The following DTL variants were observed in gnomAD, a reference collection of about 807,000 sequenced individuals.
The protein encoded by DTL is denticleless E3 ubiquitin protein ligase adapter, also known as denticleless protein homolog.
Under a neutral mutation model 87.0 loss-of-function variants are expected in DTL, and 46 were observed. That is an observed-to-expected ratio of 0.53 (90% confidence interval 0.42 to 0.68). The LOEUF is 0.68. Ranked by LOEUF, DTL falls within the 30% of genes least tolerant of loss-of-function variation. The pLI is 0.00. For synonymous variants in DTL, 308 were observed against 311.2 expected, an observed-to-expected ratio of 0.99 and a Z score of 0.11; for missense variants, 737 against 869.4, an observed-to-expected ratio of 0.85 and a Z score of 1.91.
rs546650802 is a variant in DTL at position 212,102,440 on chromosome 1, A to T, written c.2095-402A>T. Among the ~76,000 whole-genome samples, 7 of 152,322 alleles carry T rather than the reference A, an allele frequency of 4.6e-5. No individual in the cohort carries two copies. The South Asian group carries it at 8.3e-4, about 18-fold the overall frequency. Reference sequence around the variant, plus strand: ...TATTTGAAGCTAACATTTCTTAAAAATTTTTTACCTTTATATGATGATAAT... The same window carrying T: ...TATTTGAAGCTAACATTTCTTAAAATTTTTTTACCTTTATATGATGATAAT... On this transcript the variant is annotated intron_variant, in intron 14 of 14. Transcript: ENST00000366991.
chr1:212,069,937 A>T (rs1455994680), intron 10 of DTL, among the ~76,000 whole-genome samples: 2 of 152,174 alleles, frequency 1.3e-5, no homozygotes, highest in Non-Finnish European at 2.9e-5. Flanking sequence ...GCAGCATCAT[A>T]GTCTGCATTT....
chr1:212,103,662 TG>T lies in DTL; in HGVS notation c.*723del, dbSNP rs1212813201. Reference sequence around the variant, plus strand: ...TCCCGTATGAGATTTCAGGTCCCCATGTTTTCACCAAGCAATCTGCTATGTC... The same window carrying T: ...TCCCGTATGAGATTTCAGGTCCCCATTTTTCACCAAGCAATCTGCTATGTC... On this transcript the variant is annotated 3_prime_UTR_variant, in exon 15 of 15. Transcript: ENST00000366991. 1 of 152,210 alleles carries T rather than the reference TG, an allele frequency of 6.6e-6. No individual in the cohort carries two copies. The highest frequency in any genetic ancestry group is 2.4e-5 in the African/African-American group (1 of 41,464). 9.4% of individuals were successfully genotyped at this position (152,210 alleles called of 1,614,324 possible).
At chr1:212,070,920 T>TA (rs1654651908) in intron 10 of DTL, among the ~76,000 whole-genome samples, 3 of 152,198 alleles carry the variant, frequency 2.0e-5, no homozygotes, top group Admixed American at 1.3e-4. Context: ...AATAAATACT[T>TA]ACAGGTGTAG....
rs764394308 is a variant in DTL, at chr1:212,100,458, T to G, written c.1468T>G (p.Ser490Ala). The change falls in exon 14 of 15, where the codon TCT (serine) becomes GCT (alanine). Residue 490 changes from serine to alanine, a missense_variant. Physicochemically the swap from Ser to Ala is moderately conservative, Grantham distance 99. Transcript: ENST00000366991. Reference protein sequence around the residue: ...INRRGSVSSVSPKPPSSFKMS... With the variant: ...INRRGSVSSVAPKPPSSFKMS... Reference sequence around the variant, plus strand: ...CAGAAGAGGCTCTGTCTCCTCCGTCTCTCCCAAGCCACCTTCATCTTTCAA... The same window carrying G: ...CAGAAGAGGCTCTGTCTCCTCCGTCGCTCCCAAGCCACCTTCATCTTTCAA... The G allele has an allele frequency of 1.5e-5, 25 of 1,613,768 alleles. No individual in the cohort carries two copies. The East Asian group carries it at 5.3e-4, about 35-fold the overall frequency.
intron 1 of DTL, among the ~76,000 whole-genome samples, chr1:212,041,238 A>G (rs1667631852): frequency 6.6e-6 from 1 of 152,130 alleles, no homozygotes; most frequent in Non-Finnish European, 1.5e-5. Flanking sequence ...CTCACCATTC[A>G]TTGGTGTTTG....
chr1:212,084,947 G>T (rs1044224403), intron 13 of DTL, among the ~76,000 whole-genome samples: 3 of 152,080 alleles, frequency 2.0e-5, no homozygotes, highest in African/African-American at 2.4e-5. Flanking sequence ...TGTAGTATTT[G>T]CCTATAACCT....
At chr1:212,037,032 C>G (rs11119836) in intron 1 of DTL, among the ~76,000 whole-genome samples, 48,216 of 152,100 alleles carry the variant, frequency 0.32, 9,018 homozygotes, top group Middle Eastern at 0.43. Flanking sequence ...TTAAATGCTC[C>G]TCTTTCTGTC....
At chr1:212,075,479 T>A (rs1328392261) in intron 11 of DTL, among the ~76,000 whole-genome samples, 1 of 152,144 alleles carries the variant, frequency 6.6e-6, no homozygotes, top group Non-Finnish European at 1.5e-5. Context: ...TACGTAATTA[T>A]GATAGTGTTC....
intron 10 of DTL, 38 bp from the exon 11 acceptor site, chr1:212,072,063 A>G: frequency 1.4e-6 from 2 of 1,463,740 alleles, no homozygotes; most frequent in Non-Finnish European, 1.9e-6. Flanking sequence ...CACTAGAAAT[A>G]ACAAGAGCCA....
intron 5 of DTL, among the ~76,000 whole-genome samples, chr1:212,050,815 A>G (rs1325423503): frequency 6.6e-6 from 1 of 152,078 alleles, no homozygotes; most frequent in Non-Finnish European, 1.5e-5. Context: ...AATTTGGTTT[A>G]ATCTATTTTC....
Position 212,102,730 on chromosome 1 carries a change from G to A in DTL, c.2095-112G>A, listed in dbSNP as rs1249684799. 8.8e-6 allele frequency: 6 copies of A among 685,206 alleles called. No homozygotes were observed. In the East Asian group the frequency reaches 1.6e-4, roughly 18 times the overall value. 42.4% of individuals were successfully genotyped at this position (685,206 alleles called of 1,614,324 possible). ...CCATTGAAAGTATTTGGAGCTGAAAGCAGGCTAAACAATGAAATTTCTGGC... is the reference window on the plus strand; with the variant it reads ...CCATTGAAAGTATTTGGAGCTGAAAACAGGCTAAACAATGAAATTTCTGGC... On this transcript the variant is annotated intron_variant, in intron 14 of 14. Transcript: ENST00000366991.
chr1:212,070,856 G>T (rs1654649886), intron 10 of DTL, among the ~76,000 whole-genome samples: 2 of 152,132 alleles, frequency 1.3e-5, no homozygotes, highest in South Asian at 4.1e-4. Flanking sequence ...TTTTAGCAAG[G>T]TTTAAACATT....
chr1:212,062,818 A>G lies in DTL; in HGVS notation c.461-66A>G. The G allele has an allele frequency of 3.7e-6, 5 of 1,344,566 alleles. 1 individual carries two copies. In the South Asian group the frequency reaches 5.9e-5, roughly 16 times the overall value. 83.3% of individuals were successfully genotyped at this position (1,344,566 alleles called of 1,614,324 possible). A position where few individuals can be genotyped will look rare whatever the true frequency, so the allele number is the denominator to read the frequency against. On this transcript the variant is annotated intron_variant, in intron 5 of 14. Coordinates refer to ENST00000366991, the MANE Select transcript of DTL (RefSeq NM_016448.4). ...CATAATAGATAGTCTACAAAATGTAAACTGAAATATATGTGTCATTGACTG... is the reference window on the plus strand; with the variant it reads ...CATAATAGATAGTCTACAAAATGTAGACTGAAATATATGTGTCATTGACTG...
intron 5 of DTL, among the ~76,000 whole-genome samples, chr1:212,055,877 G>A (rs144373829): frequency 6.0e-4 from 92 of 152,306 alleles, no homozygotes; most frequent in African/African-American, 2.0e-3. Context: ...GGATTGCCCA[G>A]TTCAGTTCAT....
rs746563275 is a variant in DTL at position 212,103,721 on chromosome 1, A to G, written c.*781A>G. ...CCAACATCACTTTCTACAGGAGGTTATGATTTTTGCCATTTACTAGAGGAA... is the reference window on the plus strand; with the variant it reads ...CCAACATCACTTTCTACAGGAGGTTGTGATTTTTGCCATTTACTAGAGGAA... On this transcript the variant is annotated 3_prime_UTR_variant, in exon 15 of 15. Transcript: ENST00000366991. 3.3e-5 allele frequency: 5 copies of G among 152,198 alleles called. No homozygotes were observed. Among genetic ancestry groups the G allele is most frequent in the African/African-American group, 4.8e-5 (2 of 41,444 alleles). The allele number at this position is 152,198 out of a possible 1,614,324, so 9.4% of individuals were successfully genotyped here.
At chr1:212,059,551 C>G (rs1012230167) in intron 5 of DTL, among the ~76,000 whole-genome samples, 5 of 152,060 alleles carry the variant, frequency 3.3e-5, no homozygotes, top group African/African-American at 1.2e-4. Flanking sequence ...ATGACAGACT[C>G]ACAGTTAACA....
intron 3 of DTL, among the ~76,000 whole-genome samples, chr1:212,046,010 A>G (rs1352328476): frequency 1.3e-5 from 2 of 152,124 alleles, no homozygotes; most frequent in African/African-American, 2.4e-5. Flanking sequence ...TCCTGGCCTC[A>G]AGTGATCTGC....
Position 212,102,922 on chromosome 1 carries a change from A to G in DTL, c.2175A>G (p.Glu725=), listed in dbSNP as rs751204585. The G allele has an allele frequency of 2.4e-5, 38 of 1,600,038 alleles. No individual in the cohort carries two copies. Among genetic ancestry groups the G allele is most frequent in the Non-Finnish European group, 3.3e-5 (38 of 1,167,852 alleles). Residue 725 remains glutamate (E), a synonymous_variant, in exon 15 of 15, where the codon GAA becomes GAG. Transcript: ENST00000366991. ...RKSQEDFCGP[E]HSTEL is the part of the protein sequence containing the mutation. ...CCCAGGAGGACTTCTGTGGTCCTGA[A>G]CACTCAACAGAATTATAGATTCTAA...
At chr1:212,045,589 A>T (rs1571940853) in intron 3 of DTL, among the ~76,000 whole-genome samples, 1 of 152,242 alleles carries the variant, frequency 6.6e-6, no homozygotes, top group Non-Finnish European at 1.5e-5. Context: ...GTAGAAAGAA[A>T]ACACACTGGT....
Sources: allele counts gnomAD v4.1 joint callset (sites outside exome capture counted in the v4.1 genomes callset), GRCh38; gene constraint gnomAD v4.1.1; transcripts MANE v1.5; gene names NCBI Gene and HGNC (gene_info 2026-07-23, HGNC 2026-07-21).